The following ZNF777 variants were observed in gnomAD, a reference collection of about 807,000 sequenced individuals.
The protein encoded by ZNF777 is zinc finger protein 777.
ZNF777 carries 7 observed loss-of-function variants against 72.1 expected under a neutral mutation model. The ratio of observed to expected loss-of-function variants is 0.10; its 90% CI spans 0.06 to 0.18. ZNF777 has a LOEUF of 0.18. Ranked by LOEUF, ZNF777 falls within the 10% of genes least tolerant of loss-of-function variation. ZNF777 has a pLI of 1.00. For missense variants in ZNF777, 828 were observed against 1,128.6 expected, an observed-to-expected ratio of 0.73 and a Z score of 3.82; for synonymous variants, 545 against 483.5, an observed-to-expected ratio of 1.13 and a Z score of -1.67.
rs200767361 is a variant in ZNF777 at position 149,441,325 on chromosome 7, GA to G, written c.1088-4500del. ...ACAACTGGCTTCCTGATTAGAAAGG[GA>G]AAAAAGCTACTTCACATATTTCACA... is the stretch of plus-strand genomic sequence containing the variant. On this transcript the variant is annotated intron_variant, in intron 4 of 5. Transcript: ENST00000247930. 9.1e-3 allele frequency among the ~76,000 whole-genome samples: 1,378 copies of G among 152,164 alleles called. 23 individuals are homozygous for G. The highest frequency in any genetic ancestry group is 0.032 in the African/African-American group (1,318 of 41,524).
Position 149,460,764 on chromosome 7 carries a change from C to CGGGCCGAACCGCCG in ZNF777, c.-16+37_-16+50dup, listed in dbSNP as rs1324194715. On this transcript the variant is annotated intron_variant, in intron 1 of 5. Coordinates refer to ENST00000247930, the MANE Select transcript of ZNF777 (RefSeq NM_015694.3). The surrounding 1 kb of genome is among the most constrained non-coding windows in gnomAD (Gnocchi z 6.1). ...GCCCGGGCCAGCCCGTCGTGGAGCC[C>CGGGCCGAACCGCCG]GGGCCGAACCGCCGGGGCCTCCCAC... 6.6e-6 allele frequency: 1 copy of CGGGCCGAACCGCCG among 152,276 alleles called. No individual in the cohort carries two copies. Among genetic ancestry groups the CGGGCCGAACCGCCG allele is most frequent in the Non-Finnish European group, 1.5e-5 (1 of 68,142 alleles). The allele number at this position is 152,276 out of a possible 1,614,324, so 9.4% of individuals were successfully genotyped here. A position where few individuals can be genotyped will look rare whatever the true frequency, so the allele number is the denominator to read the frequency against.
At chr7:149,458,735 A>G (rs756864279) in intron 1 of ZNF777, among the ~76,000 whole-genome samples, 10 of 152,252 alleles carry the variant, frequency 6.6e-5, no homozygotes, top group Non-Finnish European at 1.5e-4. Flanking sequence ...GCCCTTTGCT[A>G]TAATTTAATC....
In ZNF777 at chr7:149,460,071, C is replaced by T. The variant is rs1799917119; in HGVS notation, c.-16+744G>A. 4 of 982,130 alleles carry T rather than the reference C, an allele frequency of 4.1e-6. No homozygotes were observed. The highest frequency in any genetic ancestry group is 6.2e-5 in the Admixed American group (1 of 16,020). 60.8% of individuals were successfully genotyped at this position (982,130 alleles called of 1,614,324 possible). ...GCCGCCGAGCCCGGGACACGCAGGCCGTCCCCGGGGCCCCGAGGCCGCGCG... is the reference window on the plus strand; with the variant it reads ...GCCGCCGAGCCCGGGACACGCAGGCTGTCCCCGGGGCCCCGAGGCCGCGCG... On this transcript the variant is annotated intron_variant, in intron 1 of 5. Transcript: ENST00000247930. The surrounding 1 kb of genome is among the most constrained non-coding windows in gnomAD (Gnocchi z 6.1).
Position 149,454,196 on chromosome 7 carries a change from C to T in ZNF777, c.888G>A (p.Glu296=), listed in dbSNP as rs746683045. ...ACTCAGACAGGTTTCCCCACTCCTG[C>T]TCCGAGAAGTGCACAGCAACATCAT... ...TFDDVAVHFS[E]QEWGNLSEWQ... The change falls in exon 3 of 6, where the codon GAG becomes GAA. Residue 296 remains glutamate (E), a synonymous_variant. Coordinates refer to ENST00000247930, the MANE Select transcript of ZNF777 (RefSeq NM_015694.3). 11 of 1,614,242 alleles carry T rather than the reference C, an allele frequency of 6.8e-6. No individual in the cohort carries two copies. In the South Asian group the frequency reaches 9.9e-5, roughly 14 times the overall value.
At chr7:149,456,555 A>C (rs1478291133) in intron 1 of ZNF777, among the ~76,000 whole-genome samples, 1 of 152,218 alleles carries the variant, frequency 6.6e-6, no homozygotes, top group Non-Finnish European at 1.5e-5. Context: ...CCAAGCACTT[A>C]CTATCCCACA....
At chr7:149,443,597 C>T (rs771418369) in intron 4 of ZNF777, among the ~76,000 whole-genome samples, 1 of 152,116 alleles carries the variant, frequency 6.6e-6, no homozygotes, top group Non-Finnish European at 1.5e-5. Context: ...GTTATACATG[C>T]ACATAGGCTA....
intron 4 of ZNF777, among the ~76,000 whole-genome samples, chr7:149,448,585 A>AAC (rs1563237837): frequency 8.2e-5 from 2 of 24,322 alleles, no homozygotes; most frequent in African/African-American, 7.9e-4. Context: ...ATAACTATAT[A>AAC]TATATATATA....
At chr7:149,451,765 A>G (rs1389882185) in intron 3 of ZNF777, among the ~76,000 whole-genome samples, 1 of 152,196 alleles carries the variant, frequency 6.6e-6, no homozygotes, top group Non-Finnish European at 1.5e-5. Context: ...ATTTTCTTAC[A>G]TAAAATAAGT....
chr7:149,438,903 A>G (rs1218269997), intron 4 of ZNF777, among the ~76,000 whole-genome samples: 1 of 151,980 alleles, frequency 6.6e-6, no homozygotes, highest in Non-Finnish European at 1.5e-5. Context: ...TAATGTTCTC[A>G]TTTACCCCCC....
At position 149,441,000 on chromosome 7, in the gene ZNF777, C is replaced by T. The variant is rs117045765; in HGVS notation, c.1088-4174G>A. Among the ~76,000 whole-genome samples, 881 of 152,284 alleles carry T rather than the reference C, an allele frequency of 5.8e-3. 6 individuals are homozygous for T. Among genetic ancestry groups the T allele is most frequent in the Admixed American group, 0.011 (172 of 15,296 alleles). On this transcript the variant is annotated intron_variant, in intron 4 of 5. Transcript: ENST00000247930. ...TGCTCCTCCCTGAGCTCTAGGCATT[C>T]GCCTGCTCCTCTTTGTGGCACATAC...
rs192034806 is a variant in ZNF777 at position 149,435,598 on chromosome 7, A to G, written c.1339+977T>C. On this transcript the variant is annotated intron_variant, in intron 5 of 5. Coordinates refer to ENST00000247930, the MANE Select transcript of ZNF777 (RefSeq NM_015694.3). Reference sequence around the variant, plus strand: ...TTTTTAAACACTTTACATCAATATAATACTTTTAAAAACAGAAATGGATGT... The same window carrying G: ...TTTTTAAACACTTTACATCAATATAGTACTTTTAAAAACAGAAATGGATGT... Among the ~76,000 whole-genome samples the G allele has an allele frequency of 3.2e-4, 49 of 152,316 alleles. 1 individual carries two copies. In the East Asian group the frequency reaches 9.5e-3, roughly 29 times the overall value.
chr7:149,436,862 G>C lies in ZNF777; in HGVS notation c.1088-36C>G. On this transcript the variant is annotated intron_variant, in intron 4 of 5. Transcript: ENST00000247930. This position sits in a 1 kb window ranked among gnomAD's most constrained non-coding sequence, Gnocchi z 5.0. ...GTGGGCAGGGGTGAGGAGGAGAAAA[G>C]AACCCAGAATGTTCATGCCAACTGC... is the stretch of plus-strand genomic sequence containing the variant. The C allele has an allele frequency of 6.3e-7, 1 of 1,588,714 alleles. No individual in the cohort carries two copies. The highest frequency in any genetic ancestry group is 8.6e-7 in the Non-Finnish European group (1 of 1,161,204).
chr7:149,443,183 C>G (rs538259656), intron 4 of ZNF777, among the ~76,000 whole-genome samples: 1 of 152,100 alleles, frequency 6.6e-6, no homozygotes, highest in East Asian at 1.9e-4. Context: ...GAAATCAATA[C>G]ACAGAATACT....
In ZNF777 at chr7:149,431,644, AGAG is replaced by A; in HGVS notation, c.*129_*131del. The stretch of plus-strand genomic sequence containing the variant: ...CCCCATGTCCTTGGGAGGAGGGACG[AGAG>A]GAGAGGGGGAGCTCACGGCAAAGGG... On this transcript the variant is annotated 3_prime_UTR_variant, in exon 6 of 6. Coordinates refer to ENST00000247930, the MANE Select transcript of ZNF777 (RefSeq NM_015694.3). The A allele has an allele frequency of 1.2e-6, 1 of 852,718 alleles. No individual in the cohort carries two copies. The highest frequency in any genetic ancestry group is 1.6e-6 in the Non-Finnish European group (1 of 625,454). 52.8% of individuals were successfully genotyped at this position (852,718 alleles called of 1,614,324 possible).
intron 3 of ZNF777, among the ~76,000 whole-genome samples, chr7:149,452,009 T>G (rs1321860656): frequency 1.3e-5 from 2 of 152,236 alleles, no homozygotes; most frequent in Non-Finnish European, 2.9e-5. Context: ...CTCACGCCTG[T>G]AATCCCAGCA....
chr7:149,433,084 C>G, intron 5 of ZNF777, 152 bp from the exon 6 acceptor site: 1 of 1,241,936 alleles, frequency 8.1e-7, no homozygotes, highest in Non-Finnish European at 1.1e-6. Context: ...ATTGCGTCCC[C>G]TGGTCCGCTC....
intron 3 of ZNF777, among the ~76,000 whole-genome samples, chr7:149,452,246 C>T (rs1006004193): frequency 1.3e-5 from 2 of 149,188 alleles, no homozygotes; most frequent in South Asian, 2.2e-4. Context: ...GCCTGGGCAA[C>T]AGAGCGAGAC....
chr7:149,458,747 AT>A (rs1434095247), intron 1 of ZNF777, among the ~76,000 whole-genome samples: 2 of 152,332 alleles, frequency 1.3e-5, no homozygotes, highest in East Asian at 3.9e-4. Flanking sequence ...AATTTAATCC[AT>A]CCCGGTAAAC....
chr7:149,460,607 C>T lies in ZNF777; in HGVS notation c.-16+208G>A, dbSNP rs1184215635. Among the ~76,000 whole-genome samples, 2 of 152,074 alleles carry T rather than the reference C, an allele frequency of 1.3e-5. No individual in the cohort carries two copies. The highest frequency in any genetic ancestry group is 6.6e-5 in the Admixed American group (1 of 15,262). ...ACAAACTGCATCCTGGGAGGCATGT[C>T]CCTCTCAGGCCGTTTAAAGAGAAAC... On this transcript the variant is annotated intron_variant, in intron 1 of 5. Transcript: ENST00000247930. This position sits in a 1 kb window ranked among gnomAD's most constrained non-coding sequence, Gnocchi z 6.1.
Sources: allele counts gnomAD v4.1 joint callset (sites outside exome capture counted in the v4.1 genomes callset), GRCh38; gene constraint gnomAD v4.1.1; non-coding constraint Gnocchi (gnomAD v3.1); transcripts MANE v1.5; gene names NCBI Gene and HGNC (gene_info 2026-07-23, HGNC 2026-07-21).